HBS1L: variants seen among roughly 807,000 people sequenced by gnomAD.
HBS1L encodes HBS1-like protein.
A neutral mutation model predicts 88.9 loss-of-function variants in HBS1L; 55 were observed. That is an observed-to-expected ratio of 0.62 (90% CI 0.50 to 0.77). HBS1L has a LOEUF of 0.77. Ranked by LOEUF, HBS1L falls within the 30% of genes least tolerant of loss-of-function variation. The pLI, the probability that HBS1L is intolerant of heterozygous loss-of-function variation, is 0.00. For synonymous variants in HBS1L, 267 were observed against 288.5 expected, an observed-to-expected ratio of 0.93 and a Z score of 0.76; for missense variants, 741 against 829.3, an observed-to-expected ratio of 0.89 and a Z score of 1.31.
rs71006751 is a variant in HBS1L, at chr6:135,040,344, C to CTTTT, written c.236-581_236-578dup. Among the ~76,000 whole-genome samples the CTTTT allele has an allele frequency of 2.3e-3, 253 of 109,998 alleles. 3 individuals are homozygous for CTTTT. The highest frequency in any genetic ancestry group is 6.3e-3 in the Middle Eastern group (1 of 160). The allele number at this position is 109,998 out of a possible 152,430, so 72.2% of individuals were successfully genotyped here. ...GGAGATTAAGGGGAGGATAGGCATT[C>CTTTT]TTTTTTTTTTTTTTTTTTTTTTTTG... On this transcript the variant is annotated intron_variant, in intron 3 of 17. Transcript: ENST00000367837.
At chr6:134,993,979 A>C in intron 7 of HBS1L, 104 bp from the exon 8 acceptor site, 1 of 467,878 alleles carries the variant, frequency 2.1e-6, no homozygotes, top group Non-Finnish European at 3.8e-6. Flanking sequence ...TAAAAATGGA[A>C]ATTGTTTTTA....
In HBS1L at chr6:135,006,645, T is replaced by C. The variant is rs565063354; in HGVS notation, c.431-3803A>G. 5.3e-5 allele frequency among the ~76,000 whole-genome samples: 8 copies of C among 152,054 alleles called. No individual in the cohort carries two copies. In the South Asian group the frequency reaches 1.5e-3, roughly 28 times the overall value. On this transcript the variant is annotated intron_variant, in intron 4 of 17. Transcript: ENST00000367837. The stretch of plus-strand genomic sequence containing the variant: ...GCTATAAATGAAGTAAAGCAAGAAG[T>C]AGGAAAAACACTAGGAAAATAGATT...
At position 134,965,279 on chromosome 6, in the gene HBS1L, TC is replaced by T; in HGVS notation, c.2054del (p.Ter685TyrfsTer13). 6.4e-7 allele frequency: 1 copy of T among 1,563,514 alleles called. No homozygotes were observed. Among genetic ancestry groups the T allele is most frequent in the South Asian group, 1.1e-5 (1 of 87,528 alleles). ...GAAACGTGGTAGAAATTCTGACCCA[TC>T]ATTCTTTTATCTGTTAAAACAAAAA... ...AAGVVTEIKE[*>X] On this transcript the variant is annotated frameshift_variant and stop_lost, in exon 18 of 18. Transcript: ENST00000367837. LOFTEE classifies it high-confidence loss of function.
chr6:134,978,789 T>C lies in HBS1L; in HGVS notation c.1689-2A>G. 2 of 1,571,398 alleles carry C rather than the reference T, an allele frequency of 1.3e-6. No individual in the cohort carries two copies. Among genetic ancestry groups the C allele is most frequent in the Non-Finnish European group, 1.7e-6 (2 of 1,155,724 alleles). ...GGGCCACAAAATATGCAGCCAACAC[T>C]GTAAGAACAACAAAAAAAGAGGAAA... On this transcript the variant is annotated splice_acceptor_variant, in intron 14 of 17. Transcript: ENST00000367837. LOFTEE classifies it high-confidence loss of function.
At chr6:135,052,480 G>A (rs759954248) in intron 1 of HBS1L, among the ~76,000 whole-genome samples, 25 of 151,628 alleles carry the variant, frequency 1.6e-4, no homozygotes, top group African/African-American at 2.9e-4. Context: ...GCTGAGGCAC[G>A]AGGATTGCTT....
Position 134,997,622 on chromosome 6 carries a change from T to A in HBS1L, c.574A>T (p.Thr192Ser). The A allele has an allele frequency of 5.6e-6, 9 of 1,613,988 alleles. No homozygotes were observed. Among genetic ancestry groups the A allele is most frequent in the Non-Finnish European group, 6.8e-6 (8 of 1,179,930 alleles). ...TCAATGGGCGGTCCTTTTTGAGGTG[T>A]GTGGAAACTATGACCATTTTCTTCA... is the stretch of plus-strand genomic sequence containing the variant. ...SSEENGHSFHTPQKGPPIEDA... is the reference protein window; with the variant it reads ...SSEENGHSFHSPQKGPPIEDA... Residue 192 changes from threonine to serine, a missense_variant, in exon 6 of 18, where the codon ACA becomes TCA. Coordinates refer to ENST00000367837, the MANE Select transcript of HBS1L (RefSeq NM_006620.4).
At chr6:134,978,005 T>C (rs961255045) in intron 15 of HBS1L, among the ~76,000 whole-genome samples, 1 of 152,014 alleles carries the variant, frequency 6.6e-6, no homozygotes, top group Non-Finnish European at 1.5e-5. Context: ...AATGTATATG[T>C]TCAAATGATG....
At chr6:135,042,438 T>G (rs1776769321) in intron 2 of HBS1L, among the ~76,000 whole-genome samples, 1 of 152,154 alleles carries the variant, frequency 6.6e-6, no homozygotes, top group Non-Finnish European at 1.5e-5. Context: ...TTGTATACTA[T>G]TCTGTGTTCC....
At position 134,961,847 on chromosome 6, in the gene HBS1L, AT is replaced by A. The variant is rs1315488331; in HGVS notation, c.*3431del. ...GCTGCAGCAAGCATCAATAAAACTA[AT>A]TTTGATTATAATTATGCCCTGGTGA... On this transcript the variant is annotated 3_prime_UTR_variant, in exon 18 of 18. Coordinates refer to ENST00000367837, the MANE Select transcript of HBS1L (RefSeq NM_006620.4). 1 of 151,802 alleles carries A rather than the reference AT, an allele frequency of 6.6e-6. No individual in the cohort carries two copies. Among genetic ancestry groups the A allele is most frequent in the East Asian group, 1.9e-4 (1 of 5,186 alleles). 9.4% of individuals were successfully genotyped at this position (151,802 alleles called of 1,614,324 possible). A position where few individuals can be genotyped will look rare whatever the true frequency, so the allele number is the denominator to read the frequency against.
chr6:134,984,703 T>A (rs969082434), intron 12 of HBS1L, among the ~76,000 whole-genome samples: 28 of 152,292 alleles, frequency 1.8e-4, no homozygotes, highest in African/African-American at 5.8e-4. Context: ...GATCTTGCCC[T>A]TATTAAGTTA....
At chr6:134,994,521 G>A (rs1302065705) in intron 7 of HBS1L, among the ~76,000 whole-genome samples, 3 of 152,042 alleles carry the variant, frequency 2.0e-5, no homozygotes, top group African/African-American at 7.2e-5. Flanking sequence ...TCAAATTACA[G>A]ACTTTTTTGG....
At chr6:135,050,814 A>T (rs766783969) in intron 1 of HBS1L, among the ~76,000 whole-genome samples, 167 bp from the exon 2 acceptor site, 1 of 152,236 alleles carries the variant, frequency 6.6e-6, no homozygotes. Flanking sequence ...CCCACAAAAT[A>T]GGTTATTTAC....
intron 16 of HBS1L, among the ~76,000 whole-genome samples, chr6:134,967,347 T>C (rs185125023): frequency 1.1e-4 from 17 of 152,320 alleles, no homozygotes; most frequent in African/African-American, 3.8e-4. Context: ...ACACCAAAAA[T>C]TCCAAATATT....
chr6:135,034,866 G>C (rs201714259), intron 4 of HBS1L, among the ~76,000 whole-genome samples: 1 of 151,970 alleles, frequency 6.6e-6, no homozygotes, highest in Non-Finnish European at 1.5e-5. Context: ...AATGGTTCTC[G>C]AACAGAAATA....
At chr6:134,984,839 T>C (rs1272604440) in intron 12 of HBS1L, among the ~76,000 whole-genome samples, 1 of 152,164 alleles carries the variant, frequency 6.6e-6, no homozygotes, top group Non-Finnish European at 1.5e-5. Context: ...TTATCATAGT[T>C]AATAATTCTT....
chr6:134,964,721 T>TA lies in HBS1L; in HGVS notation c.*557dup, dbSNP rs1774259343. 1 of 151,974 alleles carries TA rather than the reference T, an allele frequency of 6.6e-6. No homozygotes were observed. Among genetic ancestry groups the TA allele is most frequent in the Non-Finnish European group, 1.5e-5 (1 of 68,334 alleles). 9.4% of individuals were successfully genotyped at this position (151,974 alleles called of 1,614,324 possible). A position where few individuals can be genotyped will look rare whatever the true frequency, so the allele number is the denominator to read the frequency against. On this transcript the variant is annotated 3_prime_UTR_variant, in exon 18 of 18. Coordinates refer to ENST00000367837, the MANE Select transcript of HBS1L (RefSeq NM_006620.4). ...GGAACAGCTTCCACTAATTCCAAAT[T>TA]AAACTTTCACAAGTTTACTTGTTTG...
chr6:135,042,881 A>C (rs746346466), intron 2 of HBS1L, among the ~76,000 whole-genome samples: 146 of 152,124 alleles, frequency 9.6e-4, no homozygotes, highest in Non-Finnish European at 1.8e-3. Context: ...CCTGAATCTA[A>C]GAGTTCACGG....
chr6:135,001,651 G>A (rs1410766662), intron 5 of HBS1L, among the ~76,000 whole-genome samples: 2 of 152,022 alleles, frequency 1.3e-5, no homozygotes, highest in African/African-American at 4.8e-5. Context: ...ATTTTAACAG[G>A]CTAAAGTTAC....
At chr6:135,034,402 G>C (rs183694856) in intron 4 of HBS1L, among the ~76,000 whole-genome samples, 1 of 152,174 alleles carries the variant, frequency 6.6e-6, no homozygotes, top group Non-Finnish European at 1.5e-5. Flanking sequence ...CCAGCACTTC[G>C]GGAGGCCGAG....
Sources: gnomAD v4.1 joint callset for allele counts (sites outside exome capture counted in the v4.1 genomes callset) on GRCh38, gnomAD v4.1.1 for gene constraint, MANE v1.5 for transcripts, NCBI Gene and HGNC (gene_info 2026-07-23, HGNC 2026-07-21) for gene names.